HK1: variants seen among roughly 807,000 people sequenced by gnomAD.
HK1 encodes the protein hexokinase 1.
A neutral mutation model predicts 91.6 loss-of-function variants in HK1; 28 were observed. The observed-to-expected ratio is 0.31, with a 90% CI of 0.23 to 0.42. The LOEUF is 0.42. Among genes scored for constraint, HK1 ranks in the 10% least tolerant of loss-of-function variants. HK1 has a pLI of 1.00. For missense variants in HK1, 770 were observed against 1,219.8 expected (o/e 0.63, Z 5.49); for synonymous variants, 430 against 468.1 (o/e 0.92, Z 1.05).
At chr10:69,302,273 A>G (rs958082131) in intron 5 of HK1, among the ~76,000 whole-genome samples, 6 of 151,984 alleles carry the variant, frequency 3.9e-5, no homozygotes, top group African/African-American at 1.4e-4. Context: ...AAACTTATAA[A>G]GCTACAGTAA....
At position 69,392,279 on chromosome 10, in the gene HK1, C is replaced by T. The variant is rs754547860; in HGVS notation, c.2190C>T (p.Asp730=). The T allele has an allele frequency of 9.3e-6, 15 of 1,614,120 alleles. No individual in the cohort carries two copies. The South Asian group carries it at 1.1e-4, about 12-fold the overall frequency. ...GGACACACTACGACAGACTGGTGGACGAATATTCCCTAAATGCTGGGAAAC... is the reference window on the plus strand; with the variant it reads ...GGACACACTACGACAGACTGGTGGATGAATATTCCCTAAATGCTGGGAAAC... ...DIRTHYDRLV[D]EYSLNAGKQR... The change falls in exon 15 of 18, where the codon GAC becomes GAT. Residue 730 remains aspartate (D), a synonymous_variant. Transcript: ENST00000359426.
chr10:69,288,707 A>G (rs1220593892), exon 3 of HK1: 1 of 1,610,678 alleles, frequency 6.2e-7, no homozygotes. Context: ...AGAAAAGCAG[A>G]AGAAAGGACC....
intron 3 of HK1, among the ~76,000 whole-genome samples, chr10:69,294,094 C>A (rs1845434540): frequency 2.0e-5 from 3 of 152,042 alleles, no homozygotes; most frequent in Admixed American, 2.0e-4. Flanking sequence ...ATCTCCTGAC[C>A]TTGTGATCCA....
intron 2 of HK1, among the ~76,000 whole-genome samples, chr10:69,351,285 A>T (rs1403519074): frequency 2.6e-5 from 4 of 152,092 alleles, no homozygotes; most frequent in Non-Finnish European, 5.9e-5. Flanking sequence ...GGGCAGTCGG[A>T]TCATCTGAGG....
chr10:69,324,081 A>C (rs1230972328), intron 1 of HK1, among the ~76,000 whole-genome samples: 7 of 152,282 alleles, frequency 4.6e-5, no homozygotes, highest in Admixed American at 4.6e-4. Flanking sequence ...CATATTGCCC[A>C]GGCTGGTCTT....
chr10:69,396,023 A>G (rs578197643), intron 16 of HK1, among the ~76,000 whole-genome samples: 1 of 152,256 alleles, frequency 6.6e-6, no homozygotes, highest in African/African-American at 2.4e-5. Flanking sequence ...TGTAATCTCA[A>G]CACTTTAGGA....
chr10:69,345,882 A>G (rs1848524656), intron 2 of HK1, among the ~76,000 whole-genome samples: 1 of 152,134 alleles, frequency 6.6e-6, no homozygotes, highest in Non-Finnish European at 1.5e-5. Context: ...ACTCATACTC[A>G]TTTGTGAAAT....
chr10:69,274,595 A>G (rs1190586983), intron 1 of HK1, among the ~76,000 whole-genome samples: 3 of 152,050 alleles, frequency 2.0e-5, no homozygotes, highest in Non-Finnish European at 4.4e-5. Flanking sequence ...GTCTCAAAAA[A>G]AAAAAAAACA....
chr10:69,299,515 C>T (rs1029515491), intron 4 of HK1, among the ~76,000 whole-genome samples: 3 of 149,652 alleles, frequency 2.0e-5, no homozygotes, highest in Non-Finnish European at 3.0e-5. Flanking sequence ...TACAGGCGTG[C>T]GCCACCAGGC....
At chr10:69,272,343 G>A (rs1442463525) in intron 1 of HK1, among the ~76,000 whole-genome samples, 1 of 152,162 alleles carries the variant, frequency 6.6e-6, no homozygotes, top group Non-Finnish European at 1.5e-5. Flanking sequence ...AAGGGTCTCT[G>A]ATGCCCAGGT....
intron 2 of HK1, among the ~76,000 whole-genome samples, chr10:69,283,831 GA>G (rs1844890393): frequency 1.5e-5 from 2 of 137,604 alleles, no homozygotes; most frequent in South Asian, 4.7e-4. Flanking sequence ...AAGAAAAAAA[GA>G]AAAAGAAAAT....
rs1839358635 is a variant in HK1 at position 69,380,995 on chromosome 10, A to G, written c.1265+900A>G. On this transcript the variant is annotated intron_variant, in intron 9 of 17. Transcript: ENST00000359426. The surrounding 1 kb of genome is among the most constrained non-coding windows in gnomAD (Gnocchi z 4.0). ...CCCAGTTCTGTTGATGGCTCAAAGAATGTCGACTTCAATTGAAATAGTTCT... is the reference window on the plus strand; with the variant it reads ...CCCAGTTCTGTTGATGGCTCAAAGAGTGTCGACTTCAATTGAAATAGTTCT... Among the ~76,000 whole-genome samples, 1 of 152,198 alleles carries G rather than the reference A, an allele frequency of 6.6e-6. No individual in the cohort carries two copies. Among genetic ancestry groups the G allele is most frequent in the South Asian group, 2.1e-4 (1 of 4,836 alleles).
At chr10:69,395,153 C>T in intron 16 of HK1, 48 bp downstream of exon 16, 8 of 1,595,420 alleles carry the variant, frequency 5.0e-6, no homozygotes, top group African/African-American at 1.3e-5. Flanking sequence ...TCAGAGGTCG[C>T]CTGGCTGGTG....
At chr10:69,312,542 T>C (rs1256757923), upstream of HK1, among the ~76,000 whole-genome samples, 1 of 151,664 alleles carries the variant, frequency 6.6e-6, no homozygotes, top group Non-Finnish European at 1.5e-5. Flanking sequence ...CCTGGCCATA[T>C]AGCCCTTTTT....
At chr10:69,316,089 G>C (rs1228180981), upstream of HK1, 1 of 1,189,294 alleles carries the variant, frequency 8.4e-7, no homozygotes, top group East Asian at 2.3e-5. Flanking sequence ...AGGCAGAGGT[G>C]AGTGGAGAAG....
chr10:69,324,616 T>C (rs1027485989), intron 1 of HK1, among the ~76,000 whole-genome samples: 1 of 152,174 alleles, frequency 6.6e-6, no homozygotes, highest in Non-Finnish European at 1.5e-5. Flanking sequence ...AAGTATTTGC[T>C]GTGTTATATG....
intron 2 of HK1, among the ~76,000 whole-genome samples, chr10:69,283,808 A>AAAAAAAAAAAAAAAAAAG (rs1564751495): frequency 4.8e-5 from 7 of 144,698 alleles, no homozygotes; most frequent in South Asian, 2.2e-4. Flanking sequence ...CAAAAAAAAA[A>AAAAAAAAAAAAAAAAAAG]AAAAAAAAAG....
At chr10:69,344,542 A>C (rs1848451167) in intron 2 of HK1, among the ~76,000 whole-genome samples, 1 of 152,230 alleles carries the variant, frequency 6.6e-6, no homozygotes, top group Non-Finnish European at 1.5e-5. Context: ...GGCAGCCCCC[A>C]AAACAAAGAA....
chr10:69,317,676 GACT>G (rs1846721553), upstream of HK1, among the ~76,000 whole-genome samples: 2 of 152,158 alleles, frequency 1.3e-5, no homozygotes, highest in Non-Finnish European at 1.5e-5. Context: ...CTGCTTCAAA[GACT>G]CACAGATCCA....
Sources: allele counts gnomAD v4.1 joint callset (sites outside exome capture counted in the v4.1 genomes callset), GRCh38; gene constraint gnomAD v4.1.1; non-coding constraint Gnocchi (gnomAD v3.1); transcripts MANE v1.5; gene names NCBI Gene and HGNC (gene_info 2026-07-23, HGNC 2026-07-21).